The following ATP4B variants were observed in gnomAD, a reference collection of about 807,000 sequenced individuals.
ATP4B encodes ATPase H+/K+ transporting subunit beta.
A neutral mutation model predicts 35.3 loss-of-function variants in ATP4B; 27 were observed. The ratio of observed to expected loss-of-function variants is 0.76; its 90% CI spans 0.56 to 1.05. The LOEUF (loss-of-function observed/expected upper bound fraction) is 1.05, where lower values mean the gene tolerates loss of function less well. ATP4B is among the 50% of genes least tolerant of loss of function. ATP4B has a pLI of 0.00. For synonymous variants in ATP4B, 162 were observed against 156.0 expected, an observed-to-expected ratio of 1.04 and a Z score of -0.29; for missense variants, 375 against 384.8, an observed-to-expected ratio of 0.97 and a Z score of 0.21.
Position 113,652,885 on chromosome 13 carries a change from A to C in ATP4B, c.543T>G (p.Ile181Met), listed in dbSNP as rs185676558. The C allele has an allele frequency of 5.1e-5, 82 of 1,613,884 alleles. No homozygotes were observed. The East Asian group carries it at 1.7e-3, about 33-fold the overall frequency. ...GFEEGKPCFI[I>M]KMNRIVKFLP... ...CCTCAGTACTCACCCTGTTCATTTT[A>C]ATAATAAAACATGGCTTTCCTTCTT... The change falls in exon 4 of 7, where the codon ATT (isoleucine) becomes ATG (methionine). Residue 181 changes from isoleucine to methionine, a missense_variant. Transcript: ENST00000335288.
At chr13:113,656,297 T>C (rs1190854388) in intron 1 of ATP4B, among the ~76,000 whole-genome samples, 1 of 152,190 alleles carries the variant, frequency 6.6e-6, no homozygotes, top group African/African-American at 2.4e-5. Flanking sequence ...GGCAGGGGTC[T>C]CTGTTCCCCC....
chr13:113,652,268 C>T (rs930683085), intron 4 of ATP4B, among the ~76,000 whole-genome samples: 4 of 152,238 alleles, frequency 2.6e-5, no homozygotes, highest in African/African-American at 4.8e-5. Context: ...CCCTCCATGC[C>T]GGCAGTGCTG....
chr13:113,651,523 G>A, intron 5 of ATP4B, 148 bp downstream of exon 5: 1 of 858,332 alleles, frequency 1.2e-6, no homozygotes, highest in African/African-American at 1.8e-5. Flanking sequence ...GCTCGCTGTG[G>A]TGATGGTTCG....
At chr13:113,652,005 G>A (rs879793671) in intron 4 of ATP4B, among the ~76,000 whole-genome samples, 7 of 152,286 alleles carry the variant, frequency 4.6e-5, no homozygotes, top group African/African-American at 7.2e-5. Context: ...GAGCTGGGGC[G>A]GGGTGGTCTT....
intron 4 of ATP4B, 33 bp downstream of exon 4, chr13:113,652,840 T>C: frequency 1.2e-6 from 2 of 1,608,218 alleles, no homozygotes; most frequent in South Asian, 1.1e-5. Flanking sequence ...TGCACTGTTG[T>C]AGTGGCGTGT....
At position 113,650,388 on chromosome 13, in the gene ATP4B, TGGAA is replaced by T. The variant is rs760734763; in HGVS notation, c.714+14_714+17del. 31 of 1,609,686 alleles carry T rather than the reference TGGAA, an allele frequency of 1.9e-5. No individual in the cohort carries two copies. Among genetic ancestry groups the T allele is most frequent in the Non-Finnish European group, 2.6e-5 (31 of 1,176,162 alleles). ...CTCAGCAGCTGTGGTGAGGGAAGCGTGGAAGGAAGGAACCTACCTGGGCTTTCTT... is the reference window on the plus strand; with the variant it reads ...CTCAGCAGCTGTGGTGAGGGAAGCGTGGAAGGAACCTACCTGGGCTTTCTT... On this transcript the variant is annotated intron_variant, in intron 6 of 6. Transcript: ENST00000335288. This position sits in a 1 kb window ranked among gnomAD's most constrained non-coding sequence, Gnocchi z 5.0.
Position 113,652,985 on chromosome 13 carries a change from G to C in ATP4B, c.443C>G (p.Thr148Ser), listed in dbSNP as rs749998273. Residue 148 changes from threonine to serine, a missense_variant, in exon 4 of 7, where the codon ACC (threonine) becomes AGC (serine). Transcript: ENST00000335288. ...FQESFRAPNH[T>S]KFSCKFTADM... The stretch of plus-strand genomic sequence containing the variant: ...TGCCGTGAACTTGCAGGAGAACTTG[G>C]TGTGGTTGGGAGCGCGGAAACTCTC... 2 of 1,614,180 alleles carry C rather than the reference G, an allele frequency of 1.2e-6. No individual in the cohort carries two copies. The highest frequency in any genetic ancestry group is 2.2e-5 in the South Asian group (2 of 91,082).
At position 113,649,467 on chromosome 13, in the gene ATP4B, G is replaced by T; in HGVS notation, c.783C>A (p.Ile261=). 1.3e-6 allele frequency: 2 copies of T among 1,563,808 alleles called. No individual in the cohort carries two copies. Among genetic ancestry groups the T allele is most frequent in the Non-Finnish European group, 1.7e-6 (2 of 1,152,090 alleles). The change falls in exon 7 of 7, where the codon ATC becomes ATA. Residue 261 remains isoleucine (I), a synonymous_variant. Coordinates refer to ENST00000335288, the MANE Select transcript of ATP4B (RefSeq NM_000705.4). This position sits in a 1 kb window ranked among gnomAD's most constrained non-coding sequence, Gnocchi z 4.7. ...LNIPRNAEVA[I]VCKVMAEHVT... Reference sequence around the variant, plus strand: ...CGTGCTCCGCCATGACCTTGCACACGATGGCGACCTCAGCGTTCCTGGGGA... The same window carrying T: ...CGTGCTCCGCCATGACCTTGCACACTATGGCGACCTCAGCGTTCCTGGGGA...
In ATP4B at chr13:113,655,195, G is replaced by A. The variant is rs916313142; in HGVS notation, c.113-253C>T. 3.3e-5 allele frequency among the ~76,000 whole-genome samples: 5 copies of A among 152,280 alleles called. 1 individual carries two copies. The East Asian group carries it at 5.8e-4, about 18-fold the overall frequency. The stretch of plus-strand genomic sequence containing the variant: ...CCACATAGGCAGAATCCTGCGACCC[G>A]AGGCAGTTGCACCCAGCTGCCTTCA... On this transcript the variant is annotated intron_variant, in intron 1 of 6. Transcript: ENST00000335288.
At position 113,652,945 on chromosome 13, in the gene ATP4B, G is replaced by A; in HGVS notation, c.483C>T (p.Asn161=). Residue 161 remains asparagine (N), a synonymous_variant, in exon 4 of 7, where the codon AAC becomes AAT. Transcript: ENST00000335288. ...AGTTGGGATCCGCCAGGCCTGAGCA[G>A]TTCTGCAGCATATCTGCCGTGAACT... ...SCKFTADMLQ[N]CSGLADPNFG... 6.2e-7 allele frequency: 1 copy of A among 1,614,254 alleles called. No individual in the cohort carries two copies. The highest frequency in any genetic ancestry group is 8.5e-7 in the Non-Finnish European group (1 of 1,180,048).
intron 2 of ATP4B, among the ~76,000 whole-genome samples, chr13:113,654,600 C>A (rs945159740): frequency 1.7e-4 from 26 of 152,380 alleles, no homozygotes; most frequent in African/African-American, 6.3e-4. Context: ...TAAGGGGCCG[C>A]TTATGCCTTG....
chr13:113,653,199 C>T (rs529914266), intron 3 of ATP4B, 122 bp downstream of exon 3: 300 of 1,377,686 alleles, frequency 2.2e-4, no homozygotes, highest in East Asian at 5.6e-4. Context: ...GCTGTGGAGC[C>T]GTTTCACACC....
Position 113,649,305 on chromosome 13 carries a change from G to T in ATP4B, c.*69C>A. ...ATTTGGCAGGGAACTGACGGGCAAG[G>T]TAAGCCCAACCAGGAGGGTGTCCTT... On this transcript the variant is annotated 3_prime_UTR_variant, in exon 7 of 7. Coordinates refer to ENST00000335288, the MANE Select transcript of ATP4B (RefSeq NM_000705.4). The surrounding 1 kb of genome is among the most constrained non-coding windows in gnomAD (Gnocchi z 4.7). 1 of 1,520,240 alleles carries T rather than the reference G, an allele frequency of 6.6e-7. No individual in the cohort carries two copies. The highest frequency in any genetic ancestry group is 2.5e-5 in the East Asian group (1 of 40,380). The allele number at this position is 1,520,240 out of a possible 1,614,324, so 94.2% of individuals were successfully genotyped here.
intron 1 of ATP4B, among the ~76,000 whole-genome samples, chr13:113,657,441 A>G (rs982825918): frequency 6.6e-6 from 1 of 152,174 alleles, no homozygotes; most frequent in African/African-American, 2.4e-5. Context: ...GTGGCCTTGG[A>G]GGCCCAGGCA....
rs751989884 is a variant in ATP4B, at chr13:113,658,018, G to GC, written c.112+14dup. On this transcript the variant is annotated intron_variant, in intron 1 of 6. Coordinates refer to ENST00000335288, the MANE Select transcript of ATP4B (RefSeq NM_000705.4). ...CCCCCTCCATGCACCCAGCCGGCCC[G>GC]CCCCCCGCACGTACCCCACCGGGAC... 1.8e-5 allele frequency: 28 copies of GC among 1,582,790 alleles called. 1 individual carries two copies. Among genetic ancestry groups the GC allele is most frequent in the South Asian group, 1.4e-4 (12 of 88,212 alleles).
rs752588815 is a variant in ATP4B at position 113,653,088 on chromosome 13, C to A, written c.356-16G>T. 4 of 1,599,908 alleles carry A rather than the reference C, an allele frequency of 2.5e-6. No individual in the cohort carries two copies. Among genetic ancestry groups the A allele is most frequent in the Non-Finnish European group, 2.6e-6 (3 of 1,170,548 alleles). On this transcript the variant is annotated splice_polypyrimidine_tract_variant and intron_variant, in intron 3 of 6. Coordinates refer to ENST00000335288, the MANE Select transcript of ATP4B (RefSeq NM_000705.4). ...GGAGAGTAGCCTGCAGACGGACGCACCTGCCAGCCCTGTCCTGCCCTGGCC... is the reference window on the plus strand; with the variant it reads ...GGAGAGTAGCCTGCAGACGGACGCAACTGCCAGCCCTGTCCTGCCCTGGCC...
At position 113,649,532 on chromosome 13, in the gene ATP4B, G is replaced by A. The variant is rs777218144; in HGVS notation, c.718C>T (p.His240Tyr). Reference protein sequence around the residue: ...FPYYGKKAQPHYSNPLVAAKL... With the variant: ...FPYYGKKAQPYYSNPLVAAKL... The stretch of plus-strand genomic sequence containing the variant: ...GCTGCCACCAGGGGGTTGCTGTAGT[G>A]GGGCTGAAGTGGGAGTGAGGAAAGG... The change falls in exon 7 of 7, where the codon CAC becomes TAC. Residue 240 changes from histidine to tyrosine, a missense_variant. Coordinates refer to ENST00000335288, the MANE Select transcript of ATP4B (RefSeq NM_000705.4). The surrounding 1 kb of genome is among the most constrained non-coding windows in gnomAD (Gnocchi z 4.7). 1 of 1,520,458 alleles carries A rather than the reference G, an allele frequency of 6.6e-7. No individual in the cohort carries two copies. Among genetic ancestry groups the A allele is most frequent in the Non-Finnish European group, 8.9e-7 (1 of 1,129,032 alleles). 94.2% of individuals were successfully genotyped at this position (1,520,458 alleles called of 1,614,324 possible).
intron 1 of ATP4B, among the ~76,000 whole-genome samples, chr13:113,655,575 C>T (rs763493886): frequency 3.3e-5 from 5 of 152,236 alleles, no homozygotes; most frequent in Admixed American, 2.0e-4. Flanking sequence ...CGGAAGCCAC[C>T]GTCCCCGTGG....
intron 1 of ATP4B, 75 bp downstream of exon 1, chr13:113,657,958 C>T: frequency 7.9e-6 from 10 of 1,270,554 alleles, no homozygotes; most frequent in African/African-American, 1.5e-5. Context: ...CTCCCCTCCT[C>T]CTGAGCTCAC....
Sources: allele counts gnomAD v4.1 joint callset (sites outside exome capture counted in the v4.1 genomes callset), GRCh38; gene constraint gnomAD v4.1.1; non-coding constraint Gnocchi (gnomAD v3.1); transcripts MANE v1.5; gene names NCBI Gene and HGNC (gene_info 2026-07-23, HGNC 2026-07-21).